The following NPHP4 variants were observed in gnomAD, a reference collection of about 807,000 sequenced individuals.
The protein encoded by NPHP4 is nephrocystin 4.
A neutral mutation model predicts 155.8 loss-of-function variants in NPHP4; 151 were observed. The observed-to-expected ratio is 0.97, with a 90% CI of 0.85 to 1.11. NPHP4 has a LOEUF of 1.11. Ranked by LOEUF, NPHP4 falls within the 50% of genes least tolerant of loss-of-function variation. The pLI, the probability that NPHP4 is intolerant of heterozygous loss-of-function variation, is 0.00. For missense variants in NPHP4, 1,956 were observed against 1,925.7 expected, an observed-to-expected ratio of 1.02 and a Z score of -0.29; for synonymous variants, 845 against 816.8, an observed-to-expected ratio of 1.03 and a Z score of -0.59.
chr1:5,958,493 G>A (rs1019870771), intron 6 of NPHP4, among the ~76,000 whole-genome samples: 4 of 152,150 alleles, frequency 2.6e-5, no homozygotes, highest in Non-Finnish European at 5.9e-5. Context: ...TCAGGAGTTC[G>A]AGACCTGCCT....
intron 10 of NPHP4, among the ~76,000 whole-genome samples, chr1:5,928,088 G>A (rs139898921): frequency 1.3e-5 from 2 of 152,180 alleles, no homozygotes; most frequent in African/African-American, 4.8e-5. Context: ...TTTATTCTGG[G>A]TATGGCTCTG....
intron 6 of NPHP4, 78 bp from the exon 7 acceptor site, chr1:5,952,914 C>A: frequency 7.1e-7 from 1 of 1,403,212 alleles, no homozygotes; most frequent in Non-Finnish European, 9.6e-7. Context: ...TCCCTACCCA[C>A]CCCAGCCTCA....
intron 5 of NPHP4, 75 bp from the exon 6 acceptor site, chr1:5,962,024 A>T: frequency 1.7e-6 from 2 of 1,150,776 alleles, no homozygotes; most frequent in Middle Eastern, 2.0e-4. Flanking sequence ...GCCAATTAAC[A>T]GAGAATGTTA....
chr1:5,943,251 AAGTCAGTG>A (rs1310277644), intron 9 of NPHP4, among the ~76,000 whole-genome samples: 1 of 152,206 alleles, frequency 6.6e-6, no homozygotes. Flanking sequence ...CAGCAGATTA[AAGTCAGTG>A]AGTGTGTCTT....
At chr1:5,986,068 T>A in intron 2 of NPHP4, 87 bp downstream of exon 2, 1 of 1,469,048 alleles carries the variant, frequency 6.8e-7, no homozygotes. Flanking sequence ...CAAAGCATCG[T>A]AAGCCAGGGA....
At chr1:5,926,845 C>T (rs961221997) in intron 11 of NPHP4, among the ~76,000 whole-genome samples, 3 of 152,234 alleles carry the variant, frequency 2.0e-5, no homozygotes, top group African/African-American at 7.2e-5. Context: ...CACGTTTGCT[C>T]ATTCCCTATC....
chr1:5,976,112 G>C (rs1163122801), intron 3 of NPHP4, among the ~76,000 whole-genome samples: 4 of 152,216 alleles, frequency 2.6e-5, no homozygotes, highest in Non-Finnish European at 5.9e-5. Flanking sequence ...ACAAAATGCA[G>C]GGCTCCTCAG....
At chr1:5,960,966 G>A (rs956992670) in intron 6 of NPHP4, among the ~76,000 whole-genome samples, 18 of 152,216 alleles carry the variant, frequency 1.2e-4, no homozygotes, top group Admixed American at 5.9e-4. Flanking sequence ...GAAACAATCA[G>A]CAGAACATGG....
At position 5,867,645 on chromosome 1, in the gene NPHP4, A is replaced by G; in HGVS notation, c.3472+95T>C. The G allele has an allele frequency of 3.0e-6, 4 of 1,315,562 alleles. No individual in the cohort carries two copies. Among genetic ancestry groups the G allele is most frequent in the Non-Finnish European group, 4.2e-6 (4 of 943,390 alleles). 81.5% of individuals were successfully genotyped at this position (1,315,562 alleles called of 1,614,324 possible). A position where few individuals can be genotyped will look rare whatever the true frequency, so the allele number is the denominator to read the frequency against. ...CGTGCTGCTCTGACAGCACCAGGGC[A>G]TGAAGCCATGAGGCCATCTGTCACC... On this transcript the variant is annotated intron_variant, in intron 24 of 29. Coordinates refer to ENST00000378156, the MANE Select transcript of NPHP4 (RefSeq NM_015102.5). This position sits in a 1 kb window ranked among gnomAD's most constrained non-coding sequence, Gnocchi z 4.1.
intron 7 of NPHP4, among the ~76,000 whole-genome samples, chr1:5,950,918 G>A (rs1354133273): frequency 3.9e-5 from 6 of 152,134 alleles, no homozygotes; most frequent in South Asian, 2.1e-4. Context: ...TCACACGGAC[G>A]ACCATCCAGC....
intron 29 of NPHP4, 188 bp downstream of exon 29, chr1:5,863,702 T>C: frequency 1.5e-6 from 1 of 659,492 alleles, no homozygotes. Flanking sequence ...CAGGAGAAAC[T>C]TTGCTAAATC....
intron 1 of NPHP4, among the ~76,000 whole-genome samples, chr1:5,986,970 G>C (rs945523286): frequency 4.6e-5 from 7 of 152,106 alleles, no homozygotes; most frequent in African/African-American, 1.7e-4. Context: ...CTTGGGCCAA[G>C]AGGTGGTCAG....
intron 11 of NPHP4, among the ~76,000 whole-genome samples, chr1:5,918,773 T>C (rs1645593998): frequency 6.6e-6 from 1 of 152,232 alleles, no homozygotes. Flanking sequence ...AGAGGATGTG[T>C]ATCCCAAAAG....
At chr1:5,922,610 C>T (rs2101604411) in intron 11 of NPHP4, among the ~76,000 whole-genome samples, 1 of 152,206 alleles carries the variant, frequency 6.6e-6, no homozygotes, top group East Asian at 1.9e-4. Context: ...CACTTGAGGC[C>T]AGGAGTTCAA....
intron 9 of NPHP4, among the ~76,000 whole-genome samples, chr1:5,940,631 A>G (rs918261506): frequency 6.6e-6 from 1 of 152,246 alleles, no homozygotes; most frequent in Admixed American, 6.5e-5. Context: ...ACTGTCTACA[A>G]AAACAAAATA....
At chr1:5,909,953 C>T (rs1265030454) in intron 11 of NPHP4, among the ~76,000 whole-genome samples, 1 of 152,244 alleles carries the variant, frequency 6.6e-6, no homozygotes, top group Non-Finnish European at 1.5e-5. Flanking sequence ...CCCCAGGCCA[C>T]ATGGACACCT....
At chr1:5,933,997 A>G (rs2101754722) in intron 9 of NPHP4, among the ~76,000 whole-genome samples, 1 of 152,352 alleles carries the variant, frequency 6.6e-6, no homozygotes, top group Admixed American at 6.5e-5. Flanking sequence ...CAACCACATT[A>G]AAGTCATTGT....
Position 5,889,933 on chromosome 1 carries a change from G to A in NPHP4, c.2304+935C>T, listed in dbSNP as rs1383804614. ...AGAAGTCACAGGGAGCAGGGATGGA[G>A]CCTGGATCAGTCGGTCACACGGGGA... On this transcript the variant is annotated intron_variant, in intron 17 of 29. Transcript: ENST00000378156. The surrounding 1 kb of genome is among the most constrained non-coding windows in gnomAD (Gnocchi z 4.2). Among the ~76,000 whole-genome samples, 1 of 152,266 alleles carries A rather than the reference G, an allele frequency of 6.6e-6. No individual in the cohort carries two copies. The highest frequency in any genetic ancestry group is 1.5e-5 in the Non-Finnish European group (1 of 68,046).
intron 23 of NPHP4, among the ~76,000 whole-genome samples, chr1:5,869,960 A>G (rs1032638226): frequency 3.3e-5 from 5 of 152,232 alleles, no homozygotes; most frequent in African/African-American, 1.2e-4. Flanking sequence ...GTGCACATAC[A>G]CGCACATATC....
Sources: gnomAD v4.1 joint callset for allele counts (sites outside exome capture counted in the v4.1 genomes callset) on GRCh38, gnomAD v4.1.1 for gene constraint, Gnocchi (gnomAD v3.1) non-coding constraint, MANE v1.5 for transcripts, NCBI Gene and HGNC (gene_info 2026-07-23, HGNC 2026-07-21) for gene names.